ACO1: variants seen among roughly 807,000 people sequenced by gnomAD.
ACO1 encodes cytoplasmic aconitate hydratase.
A neutral mutation model predicts 105.1 loss-of-function variants in ACO1; 78 were observed. The ratio of observed to expected loss-of-function variants is 0.74; its 90% CI spans 0.62 to 0.90. The LOEUF (loss-of-function observed/expected upper bound fraction) is 0.90, where lower values mean the gene tolerates loss of function less well. Among genes scored for constraint, ACO1 ranks in the 40% least tolerant of loss-of-function variants. The probability of loss-of-function intolerance (pLI) is 0.00; values close to 1 mark genes in which losing one functional copy is unlikely to be tolerated. For synonymous variants in ACO1, 364 were observed against 397.4 expected (o/e 0.92, Z 1.00); for missense variants, 965 against 1,111.1 (o/e 0.87, Z 1.87).
intron 1 of ACO1, among the ~76,000 whole-genome samples, chr9:32,402,197 TTTC>T (rs1309136031): frequency 6.6e-6 from 1 of 152,214 alleles, no homozygotes; most frequent in Non-Finnish European, 1.5e-5. Flanking sequence ...TTCTTTTTTT[TTTC>T]TTTTTTCTTC....
rs1173860784 is a variant in ACO1, at chr9:32,425,836, A to T, written c.1189-2A>T. 1.9e-6 allele frequency: 3 copies of T among 1,605,610 alleles called. No individual in the cohort carries two copies. Among genetic ancestry groups the T allele is most frequent in the Admixed American group, 3.4e-5 (2 of 59,414 alleles). ...TATAATATACATTTTTTCTTCCTTTAGCAAGGATTTAAAGGATTCCAAGTT... is the reference window on the plus strand; with the variant it reads ...TATAATATACATTTTTTCTTCCTTTTGCAAGGATTTAAAGGATTCCAAGTT... On this transcript the variant is annotated splice_acceptor_variant, in intron 10 of 20. Transcript: ENST00000309951. LOFTEE classifies it high-confidence loss of function.
In ACO1 at chr9:32,453,677, A is replaced by T. The variant is rs1334897193; in HGVS notation, c.*3566A>T. ...CTAAATGAAGAACCTTATTTTTAGCAGTTTCCCTTTCAGGGCTCTAACAGG... is the reference window on the plus strand; with the variant it reads ...CTAAATGAAGAACCTTATTTTTAGCTGTTTCCCTTTCAGGGCTCTAACAGG... On this transcript the variant is annotated 3_prime_UTR_variant, in exon 21 of 21. Coordinates refer to ENST00000309951, the MANE Select transcript of ACO1 (RefSeq NM_002197.3). The T allele has an allele frequency of 6.6e-6, 1 of 152,218 alleles. No homozygotes were observed. The highest frequency in any genetic ancestry group is 1.5e-5 in the Non-Finnish European group (1 of 68,032). 9.4% of individuals were successfully genotyped at this position (152,218 alleles called of 1,614,324 possible).
At chr9:32,440,340 C>G in intron 18 of ACO1, 125 bp from the exon 19 acceptor site, 1 of 929,526 alleles carries the variant, frequency 1.1e-6, no homozygotes. Context: ...AATTTGTAGA[C>G]AAGATGATTG....
At chr9:32,399,545 CT>C (rs996018602) in intron 1 of ACO1, among the ~76,000 whole-genome samples, 1 of 152,108 alleles carries the variant, frequency 6.6e-6, no homozygotes, top group Non-Finnish European at 1.5e-5. Flanking sequence ...TTTCTAGGAA[CT>C]GAAAGCTAGA....
rs774323213 is a variant in ACO1 at position 32,424,549 on chromosome 9, G to C, written c.1072G>C (p.Val358Leu). 1.2e-6 allele frequency: 2 copies of C among 1,605,826 alleles called. No homozygotes were observed. The highest frequency in any genetic ancestry group is 2.2e-5 in the East Asian group (1 of 44,734). ...DPSQDPDFTQ[V>L]VELDLKTVVP... Reference sequence around the variant, plus strand: ...AATTTCTTTTCTTTGGGGTCAACAGGTTGTGGAATTAGATTTGAAAACAGT... The same window carrying C: ...AATTTCTTTTCTTTGGGGTCAACAGCTTGTGGAATTAGATTTGAAAACAGT... Residue 358 changes from valine (V) to leucine (L), a missense_variant and splice_region_variant, in exon 10 of 21, where the codon GTT (valine) becomes CTT (leucine). Physicochemically the swap from Val to Leu is conservative, Grantham distance 32. Transcript: ENST00000309951.
rs757147213 is a variant in ACO1 at position 32,448,953 on chromosome 9, G to A, written c.2428G>A (p.Gly810Arg). The A allele has an allele frequency of 6.2e-7, 1 of 1,614,208 alleles. No individual in the cohort carries two copies. Among genetic ancestry groups the A allele is most frequent in the South Asian group, 1.1e-5 (1 of 91,084 alleles). ...YERIHRSNLV[G>R]MGVIPLEYLP... Reference sequence around the variant, plus strand: ...GCGCATTCACCGCAGTAACCTGGTTGGGATGGGTGTGATCCCACTTGAATA... The same window carrying A: ...GCGCATTCACCGCAGTAACCTGGTTAGGATGGGTGTGATCCCACTTGAATA... Residue 810 changes from glycine (G) to arginine (R), a missense_variant, in exon 20 of 21, where the codon GGG (glycine) becomes AGG (arginine). Physicochemically the swap from Gly to Arg is moderately radical, Grantham distance 125. Transcript: ENST00000309951.
At chr9:32,417,298 A>G (rs1821871333) in intron 4 of ACO1, among the ~76,000 whole-genome samples, 1 of 152,236 alleles carries the variant, frequency 6.6e-6, no homozygotes, top group South Asian at 2.1e-4. Flanking sequence ...AGTGTTAACT[A>G]CTGGGTACTA....
chr9:32,433,911 C>G, intron 16 of ACO1, 79 bp downstream of exon 16: 2 of 1,190,896 alleles, frequency 1.7e-6, no homozygotes, highest in Non-Finnish European at 2.4e-6. Context: ...TTACCCCATG[C>G]TCTTGCTTTG....
chr9:32,427,392 C>T lies in ACO1; in HGVS notation c.1440C>T (p.Tyr480=), dbSNP rs765585655. 4.3e-6 allele frequency: 7 copies of T among 1,614,216 alleles called. No individual in the cohort carries two copies. Among genetic ancestry groups the T allele is most frequent in the Non-Finnish European group, 5.9e-6 (7 of 1,180,042 alleles). The part of the protein sequence containing the change: ...SLSPGSGVVT[Y]YLQESGVMPY... ...CTCCTGGGAGTGGCGTGGTCACCTA[C>T]TACCTACAAGAAAGCGGAGTCATGC... is the stretch of plus-strand genomic sequence containing the variant. The change falls in exon 12 of 21, where the codon TAC becomes TAT. Residue 480 remains tyrosine (Y), a synonymous_variant. Coordinates refer to ENST00000309951, the MANE Select transcript of ACO1 (RefSeq NM_002197.3).
intron 9 of ACO1, among the ~76,000 whole-genome samples, 198 bp from the exon 10 acceptor site, chr9:32,424,351 C>T (rs1459781466): frequency 2.0e-5 from 3 of 152,068 alleles, no homozygotes; most frequent in Non-Finnish European, 4.4e-5. Context: ...ACTTAAGTGC[C>T]CATGATGATC....
chr9:32,430,173 C>T (rs1229607749), intron 13 of ACO1, among the ~76,000 whole-genome samples: 1 of 152,144 alleles, frequency 6.6e-6, no homozygotes, highest in African/African-American at 2.4e-5. Flanking sequence ...AGTATGTTGC[C>T]TTCTAACTAC....
intron 1 of ACO1, among the ~76,000 whole-genome samples, chr9:32,396,677 G>C (rs1384230329): frequency 6.6e-6 from 1 of 151,996 alleles, no homozygotes; most frequent in African/African-American, 2.4e-5. Context: ...TCAATAGAAT[G>C]GGTCACCATC....
chr9:32,406,735 A>G (rs767129656), intron 2 of ACO1, among the ~76,000 whole-genome samples: 3 of 152,248 alleles, frequency 2.0e-5, no homozygotes, highest in Non-Finnish European at 4.4e-5. Context: ...ATTTAATACC[A>G]AAGAATAATA....
chr9:32,413,408 T>C (rs764101186), intron 4 of ACO1, among the ~76,000 whole-genome samples: 1 of 150,892 alleles, frequency 6.6e-6, no homozygotes, highest in Non-Finnish European at 1.5e-5. Context: ...CGCTTGAATC[T>C]GCAAGGTGGA....
intron 6 of ACO1, among the ~76,000 whole-genome samples, chr9:32,418,800 A>C (rs377626313): frequency 7.9e-5 from 12 of 152,196 alleles, no homozygotes; most frequent in African/African-American, 2.7e-4. Context: ...TCTTCTTTGC[A>C]TGTGGCATCA....
intron 4 of ACO1, among the ~76,000 whole-genome samples, chr9:32,413,760 T>A (rs1393050158): frequency 6.6e-6 from 1 of 152,190 alleles, no homozygotes; most frequent in Non-Finnish European, 1.5e-5. Context: ...TAATACTAAT[T>A]AGCTTCACAC....
chr9:32,444,671 A>G (rs1233610640), intron 19 of ACO1, among the ~76,000 whole-genome samples: 2 of 152,134 alleles, frequency 1.3e-5, no homozygotes, highest in East Asian at 3.9e-4. Context: ...ATGGGGTGAG[A>G]GAGGGCATCC....
At chr9:32,432,366 T>G (rs1563943761) in intron 15 of ACO1, among the ~76,000 whole-genome samples, 1 of 152,202 alleles carries the variant, frequency 6.6e-6, no homozygotes, top group African/African-American at 2.4e-5. Flanking sequence ...CTCTTGGATA[T>G]TATTCCTTTC....
rs1822016663 is a variant in ACO1 at position 32,423,343 on chromosome 9, A to G, written c.995A>G (p.Tyr332Cys). ...QTGRDEEKLKYIKKYLQAVGM... is the reference protein window; with the variant it reads ...QTGRDEEKLKCIKKYLQAVGM... ...GGTCGTGATGAAGAAAAATTAAAGTATATTAAAAAATATCTTCAGGCTGTA... is the reference window on the plus strand; with the variant it reads ...GGTCGTGATGAAGAAAAATTAAAGTGTATTAAAAAATATCTTCAGGCTGTA... The change falls in exon 9 of 21, where the codon TAT (tyrosine) becomes TGT (cysteine). Residue 332 changes from tyrosine (Y) to cysteine (C), a missense_variant. Tyr to Cys is a radical substitution (Grantham distance 194). Transcript: ENST00000309951. 1.3e-6 allele frequency: 2 copies of G among 1,595,432 alleles called. No individual in the cohort carries two copies. Among genetic ancestry groups the G allele is most frequent in the Admixed American group, 1.8e-5 (1 of 55,112 alleles).
Sources: gnomAD v4.1 joint callset for allele counts (sites outside exome capture counted in the v4.1 genomes callset) on GRCh38, gnomAD v4.1.1 for gene constraint, MANE v1.5 for transcripts, NCBI Gene and HGNC (gene_info 2026-07-23, HGNC 2026-07-21) for gene names.